CDK14: variants seen among roughly 807,000 people sequenced by gnomAD.
The protein encoded by CDK14 is cyclin-dependent kinase 14.
In CDK14, 34 loss-of-function variants were observed where a neutral mutation model predicts 60.7. That is an observed-to-expected ratio of 0.56 (90% CI 0.43 to 0.75). CDK14 has a LOEUF of 0.75. Ranked by LOEUF, CDK14 falls within the 30% of genes least tolerant of loss-of-function variation. CDK14 has a pLI of 0.00. For synonymous variants in CDK14, 197 were observed against 203.7 expected (o/e 0.97, Z 0.28); for missense variants, 482 against 564.1 (o/e 0.85, Z 1.47).
rs140047373 is a variant in CDK14 at position 90,841,184 on chromosome 7, G to A, written c.545-21991G>A. Among the ~76,000 whole-genome samples, 421 of 152,146 alleles carry A rather than the reference G, an allele frequency of 2.8e-3. 3 individuals carry two copies. Among genetic ancestry groups the A allele is most frequent in the Non-Finnish European group, 4.3e-3 (291 of 67,984 alleles). On this transcript the variant is annotated intron_variant, in intron 5 of 14. Transcript: ENST00000380050. The stretch of plus-strand genomic sequence containing the variant: ...TCCTATTTGAAAAATAAAAGTTACA[G>A]GGAACTTTTAGAACATTGCAACTAT...
intron 10 of CDK14, among the ~76,000 whole-genome samples, chr7:90,998,781 C>T (rs1192028448): frequency 1.3e-5 from 2 of 152,044 alleles, no homozygotes; most frequent in South Asian, 2.1e-4. Context: ...CCCAGCTACT[C>T]GGGAGGCTGA....
intron 14 of CDK14, among the ~76,000 whole-genome samples, chr7:91,144,895 A>G (rs1416339397): frequency 6.6e-6 from 1 of 152,228 alleles, no homozygotes; most frequent in African/African-American, 2.4e-5. Context: ...TTTGGGTTAT[A>G]TCCTTAGAAT....
At position 91,050,721 on chromosome 7, in the gene CDK14, G is replaced by C. The variant is rs754418573; in HGVS notation, c.1105+4761G>C. Among the ~76,000 whole-genome samples the C allele has an allele frequency of 2.2e-4, 34 of 152,282 alleles. No individual in the cohort carries two copies. The Middle Eastern group carries it at 0.014, about 61-fold the overall frequency. On this transcript the variant is annotated intron_variant, in intron 11 of 14. Coordinates refer to ENST00000380050, the MANE Select transcript of CDK14 (RefSeq NM_001287135.2). Reference sequence around the variant, plus strand: ...TTTACAAAGAAAAGAGATTCAGTTGGCTCCAGGATCTGCAGGCTGTACAAG... The same window carrying C: ...TTTACAAAGAAAAGAGATTCAGTTGCCTCCAGGATCTGCAGGCTGTACAAG...
At chr7:90,850,015 C>T (rs781018805) in intron 5 of CDK14, among the ~76,000 whole-genome samples, 36 of 151,940 alleles carry the variant, frequency 2.4e-4, no homozygotes, top group Non-Finnish European at 4.4e-4. Context: ...TAAAATAATG[C>T]CTTTTTAGTT....
chr7:90,681,589 T>C (rs890356496), intron 2 of CDK14, among the ~76,000 whole-genome samples: 5 of 152,158 alleles, frequency 3.3e-5, no homozygotes, highest in Admixed American at 6.5e-5. Flanking sequence ...TTTGTAATAA[T>C]ATAACAATTA....
chr7:90,944,559 T>C (rs1167680905), intron 8 of CDK14, among the ~76,000 whole-genome samples: 1 of 152,076 alleles, frequency 6.6e-6, no homozygotes, highest in Non-Finnish European at 1.5e-5. Flanking sequence ...ATGGCAAGAT[T>C]CTGTCTCTAC....
At chr7:91,076,284 A>G (rs1245078301) in intron 11 of CDK14, among the ~76,000 whole-genome samples, 2 of 128,120 alleles carry the variant, frequency 1.6e-5, no homozygotes, top group East Asian at 2.4e-4. Context: ...AAATCATGGT[A>G]CTGGTACCAA....
chr7:90,793,068 C>A (rs190347226), intron 5 of CDK14, among the ~76,000 whole-genome samples: 1 of 152,116 alleles, frequency 6.6e-6, no homozygotes, highest in African/African-American at 2.4e-5. Context: ...CATTATAATT[C>A]TTATTGGAAT....
At chr7:90,786,580 A>G (rs1031507968) in intron 4 of CDK14, among the ~76,000 whole-genome samples, 3 of 152,124 alleles carry the variant, frequency 2.0e-5, no homozygotes, top group Non-Finnish European at 1.5e-5. Flanking sequence ...CATTTTGTAA[A>G]TGAGTTAGTA....
intron 10 of CDK14, among the ~76,000 whole-genome samples, chr7:91,029,203 A>G (rs1177146147): frequency 6.6e-6 from 1 of 151,954 alleles, no homozygotes. Context: ...CCACTTTTAT[A>G]CTTTTGGTTA....
At chr7:90,873,323 G>A (rs1054891409) in intron 6 of CDK14, among the ~76,000 whole-genome samples, 8 of 152,108 alleles carry the variant, frequency 5.3e-5, no homozygotes, top group African/African-American at 9.6e-5. Flanking sequence ...AGTAATTGAT[G>A]AAAAAATCAC....
chr7:90,993,017 T>C (rs911793890), intron 10 of CDK14, among the ~76,000 whole-genome samples: 1 of 152,090 alleles, frequency 6.6e-6, no homozygotes, highest in Non-Finnish European at 1.5e-5. Context: ...TGTTTCTGTT[T>C]TGGAGAGTAG....
At chr7:90,844,697 G>A (rs973693241) in intron 5 of CDK14, among the ~76,000 whole-genome samples, 1 of 152,130 alleles carries the variant, frequency 6.6e-6, no homozygotes, top group African/African-American at 2.4e-5. Context: ...ACAAATGAAG[G>A]ATAAGAAAAT....
chr7:90,918,362 A>G lies in CDK14; in HGVS notation c.826+638A>G, dbSNP rs541739682. The stretch of plus-strand genomic sequence containing the variant: ...AAGTTGAGGTTCTGGAATGAGCATT[A>G]TAAGTCATTCCTTCCTTAGAAGTCT... On this transcript the variant is annotated intron_variant, in intron 8 of 14. Coordinates refer to ENST00000380050, the MANE Select transcript of CDK14 (RefSeq NM_001287135.2). 5.3e-5 allele frequency among the ~76,000 whole-genome samples: 8 copies of G among 152,366 alleles called. No homozygotes were observed. The South Asian group carries it at 6.2e-4, about 12-fold the overall frequency.
intron 5 of CDK14, among the ~76,000 whole-genome samples, chr7:90,846,135 C>T (rs1227794638): frequency 6.6e-6 from 1 of 152,092 alleles, no homozygotes; most frequent in African/African-American, 2.4e-5. Context: ...CATATTTTCC[C>T]ATCTGTGACT....
intron 5 of CDK14, among the ~76,000 whole-genome samples, chr7:90,814,979 T>C (rs1789291646): frequency 6.6e-6 from 1 of 152,268 alleles, no homozygotes; most frequent in African/African-American, 2.4e-5. Flanking sequence ...ATGTTAGTGC[T>C]GCCTCTTCCC....
At chr7:90,930,785 C>T (rs530479335) in intron 8 of CDK14, among the ~76,000 whole-genome samples, 1 of 152,080 alleles carries the variant, frequency 6.6e-6, no homozygotes, top group South Asian at 2.1e-4. Context: ...TTGTTTTATC[C>T]TTATAATCCT....
At position 90,836,796 on chromosome 7, in the gene CDK14, A is replaced by C. The variant is rs889575469; in HGVS notation, c.545-26379A>C. Among the ~76,000 whole-genome samples, 4 of 152,250 alleles carry C rather than the reference A, an allele frequency of 2.6e-5. No homozygotes were observed. In the East Asian group the frequency reaches 7.7e-4, roughly 29 times the overall value. Reference sequence around the variant, plus strand: ...AAACACAGGAGTAATGCATTGACCTACAATGTTATCATGACCATGACATTA... The same window carrying C: ...AAACACAGGAGTAATGCATTGACCTCCAATGTTATCATGACCATGACATTA... On this transcript the variant is annotated intron_variant, in intron 5 of 14. Transcript: ENST00000380050.
chr7:90,922,510 T>G (rs1793283015), intron 8 of CDK14, among the ~76,000 whole-genome samples: 1 of 152,184 alleles, frequency 6.6e-6, no homozygotes, highest in South Asian at 2.1e-4. Flanking sequence ...GAACAGACTA[T>G]TAAGATTACA....
Sources: allele counts gnomAD v4.1 joint callset (sites outside exome capture counted in the v4.1 genomes callset), GRCh38; gene constraint gnomAD v4.1.1; transcripts MANE v1.5; gene names NCBI Gene and HGNC (gene_info 2026-07-23, HGNC 2026-07-21).